NLGN1: variants seen among roughly 807,000 people sequenced by gnomAD.
NLGN1 encodes the protein neuroligin 1.
NLGN1 carries 12 observed loss-of-function variants against 65.5 expected under a neutral mutation model. That is an observed-to-expected ratio of 0.18 (90% confidence interval 0.12 to 0.30). NLGN1 has a LOEUF of 0.30. Ranked by LOEUF, NLGN1 falls within the 10% of genes least tolerant of loss-of-function variation. NLGN1 has a pLI of 1.00. For missense variants in NLGN1, 750 were observed against 1,007.1 expected (o/e 0.74, Z 3.46); for synonymous variants, 350 against 359.5 (o/e 0.97, Z 0.30).
chr3:173,700,836 G>A (rs971726292), intron 3 of NLGN1, among the ~76,000 whole-genome samples: 1 of 152,080 alleles, frequency 6.6e-6, no homozygotes, highest in African/African-American at 2.4e-5. Flanking sequence ...TCATAAAAGT[G>A]CCAGAAAGGC....
intron 4 of NLGN1, among the ~76,000 whole-genome samples, chr3:174,154,288 T>TA (rs11406055): frequency 0.37 from 55,447 of 151,538 alleles, 11,812 homozygotes; most frequent in African/African-American, 0.59. Context: ...TTTTATTATT[T>TA]AGGGTGATAG....
At chr3:173,776,349 G>A (rs1780295949) in intron 3 of NLGN1, among the ~76,000 whole-genome samples, 1 of 152,078 alleles carries the variant, frequency 6.6e-6, no homozygotes, top group African/African-American at 2.4e-5. Flanking sequence ...AGAGTTGGGT[G>A]AGATAGGTTA....
chr3:174,001,725 A>G (rs532096117), intron 4 of NLGN1, among the ~76,000 whole-genome samples: 4 of 152,276 alleles, frequency 2.6e-5, no homozygotes, highest in Non-Finnish European at 4.4e-5. Context: ...AGTATCTGGC[A>G]TATGGAAAGC....
chr3:173,826,803 T>C (rs1240292434), intron 4 of NLGN1, among the ~76,000 whole-genome samples: 1 of 152,112 alleles, frequency 6.6e-6, no homozygotes, highest in Non-Finnish European at 1.5e-5. Flanking sequence ...TCCCATCTAT[T>C]GAACAAGTGT....
At chr3:173,900,967 G>C (rs1224608657) in intron 4 of NLGN1, among the ~76,000 whole-genome samples, 1 of 151,920 alleles carries the variant, frequency 6.6e-6, no homozygotes, top group African/African-American at 2.4e-5. Flanking sequence ...TTTAAGGCCA[G>C]GTCCTCTGAC....
chr3:174,279,755 T>C lies in NLGN1; in HGVS notation c.1649+105T>C. On this transcript the variant is annotated intron_variant, in intron 6 of 6. Transcript: ENST00000457714. The surrounding 1 kb of genome is among the most constrained non-coding windows in gnomAD (Gnocchi z 4.7). ...GATAATGTCATATTGGATTAATACC[T>C]GCAAGATATTACATTCCTTTATTCA... 1.5e-6 allele frequency: 1 copy of C among 658,222 alleles called. No homozygotes were observed. 40.8% of individuals were successfully genotyped at this position (658,222 alleles called of 1,614,324 possible).
At chr3:174,002,612 G>A (rs1206268476) in intron 4 of NLGN1, among the ~76,000 whole-genome samples, 1 of 152,068 alleles carries the variant, frequency 6.6e-6, no homozygotes, top group Non-Finnish European at 1.5e-5. Flanking sequence ...TCATGAAATA[G>A]CTAATAGGTA....
intron 2 of NLGN1, among the ~76,000 whole-genome samples, chr3:173,469,012 G>C (rs1004789449): frequency 6.6e-6 from 1 of 152,002 alleles, no homozygotes; most frequent in African/African-American, 2.4e-5. Context: ...TGAAAAACAA[G>C]TTTTGTAATA....
At chr3:173,473,867 C>G (rs958090378) in intron 2 of NLGN1, among the ~76,000 whole-genome samples, 1 of 152,116 alleles carries the variant, frequency 6.6e-6, no homozygotes, top group Non-Finnish European at 1.5e-5. Context: ...ATAACACAGC[C>G]TTCTTCTTTA....
intron 4 of NLGN1, among the ~76,000 whole-genome samples, chr3:174,258,812 C>G (rs529339419): frequency 6.6e-6 from 1 of 151,698 alleles, no homozygotes; most frequent in Non-Finnish European, 1.5e-5. Flanking sequence ...CTAAATTCAA[C>G]ATGTGAGTTC....
intron 1 of NLGN1, among the ~76,000 whole-genome samples, chr3:173,425,387 T>C (rs184536971): frequency 9.6e-4 from 146 of 152,206 alleles, no homozygotes; most frequent in African/African-American, 3.4e-3. Flanking sequence ...AGAATCTCAT[T>C]TGTCACCTGT....
intron 3 of NLGN1, among the ~76,000 whole-genome samples, chr3:173,705,038 G>C (rs1422598267): frequency 6.6e-6 from 1 of 151,962 alleles, no homozygotes; most frequent in Non-Finnish European, 1.5e-5. Flanking sequence ...CAGTTGATAA[G>C]CCATCTTCAT....
chr3:173,688,474 G>A (rs1764990338), intron 3 of NLGN1, among the ~76,000 whole-genome samples: 1 of 152,144 alleles, frequency 6.6e-6, no homozygotes, highest in African/African-American at 2.4e-5. Flanking sequence ...GGGCAGTGGA[G>A]AGCGACTAAA....
intron 2 of NLGN1, among the ~76,000 whole-genome samples, chr3:173,579,147 A>G (rs764821466): frequency 1.3e-5 from 2 of 152,212 alleles, no homozygotes; most frequent in Non-Finnish European, 2.9e-5. Context: ...ACCAACATTG[A>G]TGAAAAAGCC....
At chr3:173,796,676 C>T (rs2150388110) in intron 3 of NLGN1, among the ~76,000 whole-genome samples, 1 of 152,244 alleles carries the variant, frequency 6.6e-6, no homozygotes, top group African/African-American at 2.4e-5. Flanking sequence ...CACTTCTACA[C>T]ACTGGTTTTA....
chr3:174,200,077 A>G (rs897482463), intron 4 of NLGN1, among the ~76,000 whole-genome samples: 4 of 152,190 alleles, frequency 2.6e-5, no homozygotes, highest in African/African-American at 9.7e-5. Flanking sequence ...GCTGGGGTCT[A>G]ATAATAATGG....
chr3:173,866,162 A>G (rs1451833458), intron 4 of NLGN1, among the ~76,000 whole-genome samples: 4 of 152,202 alleles, frequency 2.6e-5, no homozygotes, highest in African/African-American at 9.6e-5. Context: ...GTATTTGTGA[A>G]TTGCAAGCAG....
intron 4 of NLGN1, among the ~76,000 whole-genome samples, chr3:174,012,924 A>T (rs979766656): frequency 6.6e-6 from 1 of 152,214 alleles, no homozygotes; most frequent in African/African-American, 2.4e-5. Context: ...TTGCCAAAGC[A>T]GAACGTAGAG....
chr3:173,412,311 G>GACGCACACACACAC (rs1553842761), intron 1 of NLGN1, among the ~76,000 whole-genome samples: 1 of 147,522 alleles, frequency 6.8e-6, no homozygotes, highest in African/African-American at 2.5e-5. Flanking sequence ...CTCTCACTCT[G>GACGCACACACACAC]ACACACACAC....
Sources: gnomAD v4.1 joint callset for allele counts (sites outside exome capture counted in the v4.1 genomes callset) on GRCh38, gnomAD v4.1.1 for gene constraint, Gnocchi (gnomAD v3.1) non-coding constraint, MANE v1.5 for transcripts, NCBI Gene and HGNC (gene_info 2026-07-23, HGNC 2026-07-21) for gene names.